Variants in MORC3 observed in about 807,000 individuals in gnomAD.
The protein encoded by MORC3 is MORC family CW-type zinc finger protein 3.
Under a neutral mutation model 109.1 loss-of-function variants are expected in MORC3, and 31 were observed. That is an observed-to-expected ratio of 0.28 (90% CI 0.21 to 0.38). MORC3 has a LOEUF of 0.38. MORC3 is among the 10% of genes least tolerant of loss of function. The probability of loss-of-function intolerance (pLI) is 1.00; values close to 1 mark genes in which losing one functional copy is unlikely to be tolerated. For missense variants in MORC3, 867 were observed against 1,135.8 expected (o/e 0.76, Z 3.40); for synonymous variants, 395 against 380.7 (o/e 1.04, Z -0.44).
chr21:36,369,551 A>G lies in MORC3; in HGVS notation c.2183A>G (p.Gln728Arg), dbSNP rs1323852214. ...HMFTDQIKVL[Q>R]QRILEMNDKY... ...TTTACTGATCAAATCAAAGTGTTAC[A>G]ACAGAGGATACTAGAAATGAATGAC... Residue 728 changes from glutamine (Q) to arginine (R), a missense_variant, in exon 15 of 17, where the codon CAA becomes CGA. By Grantham distance (43) the Gln-to-Arg change is conservative. Transcript: ENST00000400485. 2.5e-6 allele frequency: 4 copies of G among 1,614,236 alleles called. No homozygotes were observed. Among genetic ancestry groups the G allele is most frequent in the Non-Finnish European group, 3.4e-6 (4 of 1,180,046 alleles).
At chr21:36,321,724 CCCACTTCTCTCTCCTTCCT>C (rs921574058) in intron 1 of MORC3, among the ~76,000 whole-genome samples, 10 of 152,162 alleles carry the variant, frequency 6.6e-5, no homozygotes, top group African/African-American at 2.4e-4. Context: ...ATCTCCTTTC[CCCACTTCTCTCTCCTTCCT>C]CTCTCGAGGT....
At chr21:36,356,050 G>C (rs1258268023) in intron 9 of MORC3, among the ~76,000 whole-genome samples, 1 of 152,008 alleles carries the variant, frequency 6.6e-6, no homozygotes, top group Non-Finnish European at 1.5e-5. Context: ...CATGTCATAA[G>C]GCACTTGAAG....
Position 36,364,201 on chromosome 21 carries a change from G to A in MORC3, c.1561G>A (p.Ala521Thr), listed in dbSNP as rs1186110279. 1.2e-6 allele frequency: 2 copies of A among 1,614,036 alleles called. No homozygotes were observed. The highest frequency in any genetic ancestry group is 1.3e-5 in the African/African-American group (1 of 74,920). Residue 521 changes from alanine (A) to threonine (T), a missense_variant, in exon 14 of 17, where the codon GCG becomes ACG. Ala to Thr is a moderately conservative substitution (Grantham distance 58). Transcript: ENST00000400485. ...RHLSEGTNSY[A>T]TRLLNNHQVP... The stretch of plus-strand genomic sequence containing the variant: ...TCTTTCAGAAGGAACAAATTCTTAT[G>A]CGACAAGACTTCTAAATAATCATCA...
chr21:36,338,271 T>G, intron 4 of MORC3, among the ~76,000 whole-genome samples: 1 of 152,248 alleles, frequency 6.6e-6, no homozygotes, highest in Non-Finnish European at 1.5e-5. Flanking sequence ...AGGATAACTT[T>G]AGGAAAATGC....
intron 9 of MORC3, among the ~76,000 whole-genome samples, chr21:36,354,903 A>G (rs1038915353): frequency 2.0e-5 from 3 of 152,130 alleles, no homozygotes; most frequent in African/African-American, 7.2e-5. Flanking sequence ...CAACATCCAT[A>G]TCTTGAAACT....
In MORC3 at chr21:36,356,656, T is replaced by C. The variant is rs768448252; in HGVS notation, c.1140T>C (p.Asp380=). ...CAGCACTAGGAGAAAAGCTGAATGA[T>C]TACTGGAATGAAATGAAAGTGAAGA... is the stretch of plus-strand genomic sequence containing the variant. ...TITALGEKLN[D]YWNEMKVKKN... Residue 380 remains aspartate (D), a synonymous_variant, in exon 10 of 17, where the codon GAT becomes GAC. Transcript: ENST00000400485. 1 of 1,607,552 alleles carries C rather than the reference T, an allele frequency of 6.2e-7. No individual in the cohort carries two copies. The highest frequency in any genetic ancestry group is 8.5e-7 in the Non-Finnish European group (1 of 1,177,480).
chr21:36,337,507 A>C (rs1444538450), intron 3 of MORC3, among the ~76,000 whole-genome samples: 1 of 152,120 alleles, frequency 6.6e-6, no homozygotes, highest in Non-Finnish European at 1.5e-5. Context: ...AAAACACGTC[A>C]AGATAGATTA....
chr21:36,364,404 A>C, intron 14 of MORC3, 145 bp downstream of exon 14: 1 of 934,546 alleles, frequency 1.1e-6, no homozygotes, highest in Non-Finnish European at 1.6e-6. Flanking sequence ...TTCAGGACAA[A>C]TTGTCTTGCT....
intron 15 of MORC3, among the ~76,000 whole-genome samples, chr21:36,371,810 GTTTTGTTTTT>G (rs1268226189): frequency 6.9e-6 from 1 of 144,042 alleles, no homozygotes; most frequent in Non-Finnish European, 1.5e-5. Flanking sequence ...GTTTTGTTTT[GTTTTGTTTTT>G]TTTTTTTTTT....
intron 9 of MORC3, among the ~76,000 whole-genome samples, chr21:36,353,455 A>T (rs759200259): frequency 5.5e-4 from 83 of 151,878 alleles, no homozygotes; most frequent in Admixed American, 1.2e-3. Flanking sequence ...AAAGCACTGA[A>T]TCCTAGCCAC....
rs575437761 is a variant in MORC3 at position 36,375,968 on chromosome 21, G to A, written c.*672G>A. 6 of 152,324 alleles carry A rather than the reference G, an allele frequency of 3.9e-5. No individual in the cohort carries two copies. The highest frequency in any genetic ancestry group is 2.1e-4 in the South Asian group (1 of 4,824). The allele number at this position is 152,324 out of a possible 1,614,324, so 9.4% of individuals were successfully genotyped here. A position where few individuals can be genotyped will look rare whatever the true frequency, so the allele number is the denominator to read the frequency against. On this transcript the variant is annotated 3_prime_UTR_variant, in exon 17 of 17. Coordinates refer to ENST00000400485, the MANE Select transcript of MORC3 (RefSeq NM_015358.3). The stretch of plus-strand genomic sequence containing the variant: ...AGAAACAGTCTTTAACAGAAAAAAG[G>A]TATTGAAATATTAAATGGCCACCAA...
intron 9 of MORC3, among the ~76,000 whole-genome samples, chr21:36,354,311 C>CTTTGT (rs2085616476): frequency 9.3e-6 from 1 of 107,374 alleles, no homozygotes; most frequent in African/African-American, 3.1e-5. Flanking sequence ...TGTTTTCTTT[C>CTTTGT]TTTCTTTCTT....
rs111399017 is a variant in MORC3 at position 36,328,906 on chromosome 21, T to TAAA, written c.40-4728_40-4726dup. Among the ~76,000 whole-genome samples, 858 of 139,192 alleles carry TAAA rather than the reference T, an allele frequency of 6.2e-3. 4 individuals carry two copies. The highest frequency in any genetic ancestry group is 9.8e-3 in the South Asian group (44 of 4,472). The allele number at this position is 139,192 out of a possible 152,430, so 91.3% of individuals were successfully genotyped here. ...AATATACTAACGATAGCTGATGAGG[T>TAAA]AAAAAAAAAAAAAAGAAAAAGAAAT... On this transcript the variant is annotated intron_variant, in intron 1 of 16. Coordinates refer to ENST00000400485, the MANE Select transcript of MORC3 (RefSeq NM_015358.3).
chr21:36,366,603 C>T (rs2085784378), intron 14 of MORC3, among the ~76,000 whole-genome samples: 2 of 152,012 alleles, frequency 1.3e-5, no homozygotes, highest in Admixed American at 1.3e-4. Context: ...TACAAATGTA[C>T]ACCGCCATGC....
intron 4 of MORC3, 34 bp downstream of exon 4, chr21:36,337,980 G>A (rs774089107): frequency 1.3e-6 from 2 of 1,592,250 alleles, no homozygotes; most frequent in Non-Finnish European, 1.7e-6. Flanking sequence ...AAGCTGTGGA[G>A]AAACTGAAGA....
At chr21:36,361,371 C>T (rs2085712964) in intron 12 of MORC3, among the ~76,000 whole-genome samples, 2 of 150,406 alleles carry the variant, frequency 1.3e-5, no homozygotes, top group African/African-American at 2.4e-5. Flanking sequence ...TAGTGACACC[C>T]CGTCTCTACT....
chr21:36,337,082 T>G (rs1296105586), intron 3 of MORC3, 76 bp downstream of exon 3: 1 of 1,522,408 alleles, frequency 6.6e-7, no homozygotes, highest in Non-Finnish European at 8.9e-7. Flanking sequence ...CTTACTATTC[T>G]TGGTTTTTGT....
intron 1 of MORC3, among the ~76,000 whole-genome samples, chr21:36,320,955 TCA>T (rs1207758581): frequency 8.5e-5 from 13 of 152,302 alleles, no homozygotes; most frequent in Non-Finnish European, 1.3e-4. Flanking sequence ...TAGGGAGCGG[TCA>T]CACAAGATAA....
chr21:36,350,815 G>A (rs549106545), intron 9 of MORC3, among the ~76,000 whole-genome samples: 12 of 152,178 alleles, frequency 7.9e-5, no homozygotes, highest in Admixed American at 2.6e-4. Flanking sequence ...ATTTAAGGAA[G>A]AAGTGGCATC....
Sources: allele counts gnomAD v4.1 joint callset (sites outside exome capture counted in the v4.1 genomes callset), GRCh38; gene constraint gnomAD v4.1.1; transcripts MANE v1.5; gene names NCBI Gene and HGNC (gene_info 2026-07-23, HGNC 2026-07-21).